TRAPPC9: variants seen among roughly 807,000 people sequenced by gnomAD.
TRAPPC9 encodes trafficking protein particle complex subunit 9.
TRAPPC9 carries 83 observed loss-of-function variants against 124.0 expected under a neutral mutation model. That is an observed-to-expected ratio of 0.67 (90% CI 0.56 to 0.80). The LOEUF (loss-of-function observed/expected upper bound fraction) is 0.80. Among genes scored for constraint, TRAPPC9 ranks in the 30% least tolerant of loss-of-function variants. TRAPPC9 has a pLI of 0.00. For missense variants in TRAPPC9, 1,302 were observed against 1,508.3 expected (o/e 0.86, Z 2.27); for synonymous variants, 638 against 617.5 (o/e 1.03, Z -0.49).
chr8:140,445,523 A>G (rs938307217), intron 2 of TRAPPC9, among the ~76,000 whole-genome samples: 1 of 152,180 alleles, frequency 6.6e-6, no homozygotes, highest in African/African-American at 2.4e-5. Flanking sequence ...GGCTGCCAGG[A>G]GAGCAGGGGA....
At chr8:139,921,886 C>T (rs1183276833) in intron 19 of TRAPPC9, among the ~76,000 whole-genome samples, 1 of 151,422 alleles carries the variant, frequency 6.6e-6, no homozygotes, top group Non-Finnish European at 1.5e-5. Context: ...GCACACCTGC[C>T]CCCCACTGCC....
intron 16 of TRAPPC9, among the ~76,000 whole-genome samples, chr8:140,236,355 T>A (rs548323002): frequency 6.6e-6 from 1 of 152,218 alleles, no homozygotes; most frequent in Non-Finnish European, 1.5e-5. Flanking sequence ...AGTGCTGGGA[T>A]TGCAGGCGTG....
At chr8:139,853,267 C>T (rs1827605566) in intron 21 of TRAPPC9, among the ~76,000 whole-genome samples, 1 of 152,160 alleles carries the variant, frequency 6.6e-6, no homozygotes, top group Non-Finnish European at 1.5e-5. Context: ...GACACGACAA[C>T]CAGTTTCCCA....
At chr8:140,052,252 A>C (rs1842048210) in intron 17 of TRAPPC9, among the ~76,000 whole-genome samples, 1 of 151,786 alleles carries the variant, frequency 6.6e-6, no homozygotes, top group African/African-American at 2.4e-5. Flanking sequence ...AACAACACAG[A>C]AACTGCAGTC....
chr8:139,838,478 G>C (rs1018520023), intron 21 of TRAPPC9, among the ~76,000 whole-genome samples: 4 of 152,258 alleles, frequency 2.6e-5, no homozygotes, highest in African/African-American at 7.2e-5. Flanking sequence ...ACTGAGCGGG[G>C]AGTGAGCCTG....
At chr8:140,399,155 AG>A (rs1408982379) in intron 6 of TRAPPC9, among the ~76,000 whole-genome samples, 2 of 152,252 alleles carry the variant, frequency 1.3e-5, no homozygotes, top group African/African-American at 4.8e-5. Flanking sequence ...GTATGGAAAC[AG>A]CTGGATGCCC....
At chr8:140,208,568 C>T (rs1424903654) in intron 17 of TRAPPC9, among the ~76,000 whole-genome samples, 1 of 152,230 alleles carries the variant, frequency 6.6e-6, no homozygotes, top group African/African-American at 2.4e-5. Flanking sequence ...TCAGATGTAG[C>T]AGCCTATGAT....
intron 4 of TRAPPC9, among the ~76,000 whole-genome samples, chr8:140,433,075 G>T (rs1030335769): frequency 6.6e-6 from 1 of 152,120 alleles, no homozygotes; most frequent in African/African-American, 2.4e-5. Flanking sequence ...GGCCGAAGCG[G>T]GTGGATCACT....
At chr8:140,237,498 G>A (rs1331160954) in intron 16 of TRAPPC9, among the ~76,000 whole-genome samples, 1 of 151,940 alleles carries the variant, frequency 6.6e-6, no homozygotes, top group Non-Finnish European at 1.5e-5. Context: ...TGTAAGTCCA[G>A]TTAAATCTCC....
chr8:139,981,717 C>T (rs557308460), intron 19 of TRAPPC9, among the ~76,000 whole-genome samples: 36 of 152,356 alleles, frequency 2.4e-4, no homozygotes, highest in Middle Eastern at 3.4e-3. Flanking sequence ...GATGGGGTTG[C>T]CCAGAAACCA....
intron 17 of TRAPPC9, among the ~76,000 whole-genome samples, chr8:140,148,603 A>C (rs2061495582): frequency 6.6e-6 from 1 of 152,184 alleles, no homozygotes; most frequent in African/African-American, 2.4e-5. Context: ...CAGTCCCAAC[A>C]CATCTCAGTG....
At position 140,359,260 on chromosome 8, in the gene TRAPPC9, A is replaced by G. The variant is rs1364423641; in HGVS notation, c.1495+790T>C. Among the ~76,000 whole-genome samples, 4 of 151,972 alleles carry G rather than the reference A, an allele frequency of 2.6e-5. No homozygotes were observed. In the East Asian group the frequency reaches 7.7e-4, roughly 29 times the overall value. On this transcript the variant is annotated intron_variant, in intron 9 of 22. Coordinates refer to ENST00000438773, the MANE Select transcript of TRAPPC9 (RefSeq NM_001160372.4). ...CGTCCCAATACACTCTGCACACATC[A>G]GTCTCCCCAGCAGACAGCACTTCCC...
chr8:139,787,300 G>C (rs536060088), intron 21 of TRAPPC9, among the ~76,000 whole-genome samples: 1 of 152,112 alleles, frequency 6.6e-6, no homozygotes, highest in South Asian at 2.1e-4. Context: ...TAGCCTGAGC[G>C]GGGAGGGGTG....
At chr8:140,389,954 T>C (rs1015471861) in intron 7 of TRAPPC9, among the ~76,000 whole-genome samples, 2 of 151,848 alleles carry the variant, frequency 1.3e-5, no homozygotes, top group African/African-American at 4.8e-5. Flanking sequence ...GTAGATGTAA[T>C]TATTAAGGGT....
intron 17 of TRAPPC9, among the ~76,000 whole-genome samples, chr8:140,167,463 G>A (rs2061863903): frequency 6.6e-6 from 1 of 152,122 alleles, no homozygotes; most frequent in Admixed American, 6.5e-5. Flanking sequence ...ACAGTCCTCG[G>A]AAAGCCATCA....
At chr8:140,008,039 C>A (rs1838873616) in intron 18 of TRAPPC9, among the ~76,000 whole-genome samples, 1 of 152,190 alleles carries the variant, frequency 6.6e-6, no homozygotes, top group South Asian at 2.1e-4. Context: ...TGTCAACCTG[C>A]TCCTGCCGTG....
intron 21 of TRAPPC9, among the ~76,000 whole-genome samples, chr8:139,758,809 C>A (rs1820028263): frequency 6.6e-6 from 1 of 152,192 alleles, no homozygotes; most frequent in African/African-American, 2.4e-5. Context: ...ACAAATCAGC[C>A]AAGTAAGTTA....
chr8:139,876,473 C>T (rs1476076928), intron 21 of TRAPPC9, among the ~76,000 whole-genome samples: 7 of 152,214 alleles, frequency 4.6e-5, no homozygotes, highest in Non-Finnish European at 7.3e-5. Flanking sequence ...TCTCTCGCCT[C>T]TGCTTCCGGG....
At chr8:139,954,121 T>A (rs994208692) in intron 19 of TRAPPC9, among the ~76,000 whole-genome samples, 11 of 152,142 alleles carry the variant, frequency 7.2e-5, no homozygotes, top group East Asian at 1.9e-4. Context: ...GATTGGTGGT[T>A]ACCTGGGGAC....
Sources: gnomAD v4.1 joint callset for allele counts (sites outside exome capture counted in the v4.1 genomes callset) on GRCh38, gnomAD v4.1.1 for gene constraint, MANE v1.5 for transcripts, NCBI Gene and HGNC (gene_info 2026-07-23, HGNC 2026-07-21) for gene names.